The following CXCL13 variants were observed in gnomAD, a reference collection of about 807,000 sequenced individuals.
CXCL13 encodes C-X-C motif chemokine ligand 13.
A neutral mutation model predicts 12.2 loss-of-function variants in CXCL13; 7 were observed. That is an observed-to-expected ratio of 0.57 (90% confidence interval 0.33 to 1.07). CXCL13 has a LOEUF of 1.07. Among genes scored for constraint, CXCL13 ranks in the 50% least tolerant of loss-of-function variants. The pLI, the probability that CXCL13 is intolerant of heterozygous loss-of-function variation, is 0.04. For synonymous variants in CXCL13, 47 were observed against 42.4 expected (o/e 1.11, Z -0.42); for missense variants, 113 against 127.4 (o/e 0.89, Z 0.55).
At position 77,551,248 on chromosome 4, in the gene CXCL13, C is replaced by A. The variant is rs140647363; in HGVS notation, c.-43+39460C>A. ...CTATGTACTTTAGTGTGTTTTGTGG[C>A]AGCAGGTATCATTATTTTGTTTCCA... On this transcript the variant is annotated intron_variant, in intron 1 of 4. Transcript: ENST00000286758. 3.1e-3 allele frequency among the ~76,000 whole-genome samples: 473 copies of A among 152,270 alleles called. 2 individuals carry two copies. Among genetic ancestry groups the A allele is most frequent in the African/African-American group, 0.011 (456 of 41,554 alleles).
At chr4:77,524,757 C>A (rs1724719295) in intron 1 of CXCL13, among the ~76,000 whole-genome samples, 1 of 152,124 alleles carries the variant, frequency 6.6e-6, no homozygotes. Context: ...GTGAGATGAA[C>A]CAGGTACCTC....
chr4:77,512,012 C>A (rs1724284838), intron 1 of CXCL13, among the ~76,000 whole-genome samples: 1 of 152,184 alleles, frequency 6.6e-6, no homozygotes, highest in Non-Finnish European at 1.5e-5. Context: ...CCTTGAAGAT[C>A]CACTTCCAGG....
chr4:77,557,573 A>C (rs1485754933), intron 1 of CXCL13, among the ~76,000 whole-genome samples: 1 of 152,242 alleles, frequency 6.6e-6, no homozygotes, highest in South Asian at 2.1e-4. Context: ...TCTGCAAGTC[A>C]GATCCATTCA....
chr4:77,532,424 C>T (rs1724950781), intron 1 of CXCL13, among the ~76,000 whole-genome samples: 1 of 152,210 alleles, frequency 6.6e-6, no homozygotes, highest in Non-Finnish European at 1.5e-5. Context: ...AGCTGTTAGT[C>T]TGATGGGCTT....
In CXCL13 at chr4:77,606,654, G is replaced by A. The variant is rs192747371; in HGVS notation, c.64+725G>A. Among the ~76,000 whole-genome samples, 8 of 152,250 alleles carry A rather than the reference G, an allele frequency of 5.3e-5. No homozygotes were observed. The East Asian group carries it at 7.7e-4, about 15-fold the overall frequency. ...AACCCTAATTTCTTGCATTCTCCAC[G>A]GGGCTTTCCCATGGCTCCCGGCAGA... On this transcript the variant is annotated intron_variant, in intron 1 of 3. Coordinates refer to ENST00000682537, the MANE Select transcript of CXCL13 (RefSeq NM_001371558.1).
At chr4:77,566,180 G>C (rs888058745) in intron 1 of CXCL13, among the ~76,000 whole-genome samples, 1 of 152,190 alleles carries the variant, frequency 6.6e-6, no homozygotes, top group South Asian at 2.1e-4. Context: ...TTGGTGAACA[G>C]ACAAATTTCT....
At chr4:77,557,883 C>A (rs1185754901) in intron 1 of CXCL13, among the ~76,000 whole-genome samples, 4 of 152,186 alleles carry the variant, frequency 2.6e-5, no homozygotes, top group Non-Finnish European at 4.4e-5. Context: ...TTCTCTGAGC[C>A]TTTTATTCTT....
intron 1 of CXCL13, among the ~76,000 whole-genome samples, chr4:77,545,497 C>G (rs565943638): frequency 3.9e-5 from 6 of 152,058 alleles, no homozygotes; most frequent in African/African-American, 1.2e-4. Flanking sequence ...GTATTTTATT[C>G]TCTTTGAAGC....
At chr4:77,604,857 G>A (rs954171727), upstream of CXCL13, among the ~76,000 whole-genome samples, 1 of 152,164 alleles carries the variant, frequency 6.6e-6, no homozygotes, top group African/African-American at 2.4e-5. Flanking sequence ...TAGCAGATCA[G>A]TGGGTCTGGT....
At chr4:77,572,155 C>A (rs1726101694) in intron 1 of CXCL13, among the ~76,000 whole-genome samples, 1 of 152,028 alleles carries the variant, frequency 6.6e-6, no homozygotes, top group African/African-American at 2.4e-5. Context: ...CACACCAGCA[C>A]TTTGGGAGGC....
chr4:77,586,118 A>G (rs1279839365), intron 1 of CXCL13, among the ~76,000 whole-genome samples: 1 of 152,156 alleles, frequency 6.6e-6, no homozygotes, highest in Non-Finnish European at 1.5e-5. Context: ...GGGTAATTGT[A>G]TAGTTGCATG....
intron 1 of CXCL13, among the ~76,000 whole-genome samples, chr4:77,558,257 G>A (rs939950146): frequency 1.3e-5 from 2 of 152,244 alleles, no homozygotes; most frequent in Non-Finnish European, 2.9e-5. Context: ...GGTGGCCCTT[G>A]ATCCTGAGAT....
At chr4:77,564,119 TAATTAAA>T (rs923881099) in intron 1 of CXCL13, among the ~76,000 whole-genome samples, 26 of 152,200 alleles carry the variant, frequency 1.7e-4, no homozygotes, top group African/African-American at 6.3e-4. Context: ...CCATTTGTAT[TAATTAAA>T]AACTCTTTGA....
chr4:77,595,075 C>T (rs1420822675), intron 1 of CXCL13, among the ~76,000 whole-genome samples: 1 of 147,944 alleles, frequency 6.8e-6, no homozygotes, highest in Non-Finnish European at 1.5e-5. Flanking sequence ...TTACCAGCAG[C>T]ACATCATTTT....
intron 1 of CXCL13, among the ~76,000 whole-genome samples, chr4:77,512,713 G>C (rs1468955010): frequency 1.3e-5 from 2 of 152,146 alleles, no homozygotes; most frequent in African/African-American, 4.8e-5. Context: ...GTTAGGACTT[G>C]AACAGATGAT....
upstream of CXCL13, among the ~76,000 whole-genome samples, chr4:77,602,781 AT>A (rs1379393402): frequency 2.0e-5 from 3 of 152,186 alleles, no homozygotes; most frequent in Admixed American, 6.5e-5. Flanking sequence ...AATTGTTTCC[AT>A]TTGAGTTTTA....
intron 1 of CXCL13, among the ~76,000 whole-genome samples, chr4:77,563,262 GAC>G (rs909194496): frequency 6.6e-6 from 1 of 152,118 alleles, no homozygotes; most frequent in African/African-American, 2.4e-5. Flanking sequence ...ACCAATTCCA[GAC>G]ACAGCAGTTC....
chr4:77,552,848 C>A (rs1432872410), intron 1 of CXCL13, among the ~76,000 whole-genome samples: 1 of 152,232 alleles, frequency 6.6e-6, no homozygotes, highest in Non-Finnish European at 1.5e-5. Flanking sequence ...CCCACTGCAC[C>A]ATAATCTACG....
intron 1 of CXCL13, among the ~76,000 whole-genome samples, chr4:77,555,927 T>C (rs1725646135): frequency 6.6e-6 from 1 of 152,152 alleles, no homozygotes. Flanking sequence ...ACCCATAGAA[T>C]GGCTAAAAAT....
Sources: gnomAD v4.1 joint callset for allele counts (sites outside exome capture counted in the v4.1 genomes callset) on GRCh38, gnomAD v4.1.1 for gene constraint, MANE v1.5 for transcripts, NCBI Gene and HGNC (gene_info 2026-07-23, HGNC 2026-07-21) for gene names.